Variants in KALRN observed in about 807,000 individuals in gnomAD.
KALRN encodes kalirin.
KALRN carries 70 observed loss-of-function variants against 353.7 expected under a neutral mutation model. That is an observed-to-expected ratio of 0.20 (90% CI 0.16 to 0.24). The LOEUF is 0.24. Ranked by LOEUF, KALRN falls within the 10% of genes least tolerant of loss-of-function variation. The probability of loss-of-function intolerance (pLI) is 1.00; values close to 1 mark genes in which losing one functional copy is unlikely to be tolerated. For synonymous variants in KALRN, 1,391 were observed against 1,434.8 expected (o/e 0.97, Z 0.69); for missense variants, 2,791 against 3,756.7 (o/e 0.74, Z 6.72).
At chr3:124,405,361 T>C (rs1168800053) in intron 13 of KALRN, among the ~76,000 whole-genome samples, 2 of 152,190 alleles carry the variant, frequency 1.3e-5, no homozygotes, top group Non-Finnish European at 2.9e-5. Flanking sequence ...AAATGCTATA[T>C]GCTCCTCCTT....
chr3:124,280,954 A>C lies in KALRN; in HGVS notation c.969+11699A>C, dbSNP rs2149038951. Among the ~76,000 whole-genome samples the C allele has an allele frequency of 2.0e-5, 3 of 152,298 alleles. No individual in the cohort carries two copies. The South Asian group carries it at 6.2e-4, about 32-fold the overall frequency. On this transcript the variant is annotated intron_variant, in intron 5 of 59. Coordinates refer to ENST00000682506, the MANE Select transcript of KALRN (RefSeq NM_001388419.1). Reference sequence around the variant, plus strand: ...AGGAGAGCAAAAGCCTCATACTCTTATCTTGTAAAGAGTCGGAAACCTGTG... The same window carrying C: ...AGGAGAGCAAAAGCCTCATACTCTTCTCTTGTAAAGAGTCGGAAACCTGTG...
intron 34 of KALRN, among the ~76,000 whole-genome samples, chr3:124,620,401 G>A (rs1015335088): frequency 1.3e-5 from 2 of 152,140 alleles, no homozygotes; most frequent in African/African-American, 4.8e-5. Context: ...ACCACTCCCG[G>A]CCTTGGTGGT....
intron 1 of KALRN, among the ~76,000 whole-genome samples, chr3:124,176,578 A>G (rs1348830609): frequency 6.6e-6 from 1 of 152,156 alleles, no homozygotes; most frequent in Admixed American, 6.5e-5. Flanking sequence ...TGGCTGACCC[A>G]AACTGTGGAG....
intron 1 of KALRN, among the ~76,000 whole-genome samples, chr3:124,191,932 T>G (rs1300409910): frequency 6.6e-6 from 1 of 152,216 alleles, no homozygotes; most frequent in African/African-American, 2.4e-5. Flanking sequence ...GAACAATTTG[T>G]GGCCATTTTT....
intron 34 of KALRN, among the ~76,000 whole-genome samples, chr3:124,632,030 C>T (rs2080841938): frequency 6.6e-6 from 1 of 152,258 alleles, no homozygotes; most frequent in Non-Finnish European, 1.5e-5. Flanking sequence ...ACCCCCTTTT[C>T]CAACCCCAGC....
intron 34 of KALRN, among the ~76,000 whole-genome samples, chr3:124,563,989 G>A (rs2072396451): frequency 1.4e-5 from 2 of 140,940 alleles, no homozygotes; most frequent in East Asian, 4.1e-4. Flanking sequence ...CTGGGCAACA[G>A]AGCGAGACTC....
chr3:124,213,327 A>C (rs1579464022), intron 1 of KALRN, among the ~76,000 whole-genome samples: 1 of 151,998 alleles, frequency 6.6e-6, no homozygotes, highest in East Asian at 1.9e-4. Context: ...CCATTGTTTT[A>C]GATTATTTCC....
chr3:124,577,033 G>A (rs1045738984), intron 34 of KALRN, among the ~76,000 whole-genome samples: 2 of 152,092 alleles, frequency 1.3e-5, no homozygotes, highest in African/African-American at 2.4e-5. Context: ...CAGCTCAGGC[G>A]GCTGCTCAGT....
At chr3:124,457,451 T>C (rs1369299266) in intron 23 of KALRN, among the ~76,000 whole-genome samples, 1 of 152,190 alleles carries the variant, frequency 6.6e-6, no homozygotes, top group Non-Finnish European at 1.5e-5. Context: ...AAACTTCCCA[T>C]AGCTTTCCTG....
At chr3:124,382,321 A>G (rs2087514174) in intron 10 of KALRN, among the ~76,000 whole-genome samples, 1 of 152,126 alleles carries the variant, frequency 6.6e-6, no homozygotes, top group Non-Finnish European at 1.5e-5. Flanking sequence ...TTTAACCCCT[A>G]ATTATCTATT....
chr3:124,279,352 C>G (rs2149024852), intron 5 of KALRN, among the ~76,000 whole-genome samples: 1 of 152,288 alleles, frequency 6.6e-6, no homozygotes, highest in Non-Finnish European at 1.5e-5. Flanking sequence ...TGGCTGGAGC[C>G]TTGAAGACAT....
intron 1 of KALRN, among the ~76,000 whole-genome samples, chr3:124,054,093 T>C (rs1008021438): frequency 2.6e-5 from 4 of 152,218 alleles, no homozygotes; most frequent in African/African-American, 9.6e-5. Flanking sequence ...CTTTCCAATA[T>C]GCTTTGTGAC....
At chr3:124,590,086 A>C (rs981434092) in intron 34 of KALRN, among the ~76,000 whole-genome samples, 2 of 152,168 alleles carry the variant, frequency 1.3e-5, no homozygotes, top group Non-Finnish European at 2.9e-5. Flanking sequence ...CCTGGGAAGA[A>C]GTAGCACACA....
intron 33 of KALRN, among the ~76,000 whole-genome samples, chr3:124,496,922 T>A (rs1477420252): frequency 6.6e-6 from 1 of 152,148 alleles, no homozygotes; most frequent in East Asian, 1.9e-4. Flanking sequence ...CCAAAGGGAC[T>A]CTAGTGGAAA....
intron 28 of KALRN, among the ~76,000 whole-genome samples, chr3:124,484,339 T>C (rs1178174215): frequency 1.3e-5 from 2 of 152,176 alleles, no homozygotes; most frequent in Non-Finnish European, 2.9e-5. Context: ...TGCCACATCA[T>C]TTCCCTTCAG....
intron 41 of KALRN, among the ~76,000 whole-genome samples, 167 bp from the exon 42 acceptor site, chr3:124,658,264 A>G (rs1360387487): frequency 1.3e-5 from 2 of 152,094 alleles, no homozygotes; most frequent in East Asian, 1.9e-4. Flanking sequence ...GGCGATTTGG[A>G]AAGTGGCTCT....
chr3:124,470,196 T>A (rs1054470347), intron 25 of KALRN, among the ~76,000 whole-genome samples: 5 of 152,218 alleles, frequency 3.3e-5, no homozygotes. Flanking sequence ...TTCACACAAA[T>A]GACTTGCTTT....
chr3:124,687,813 T>C (rs1313881413), intron 51 of KALRN, among the ~76,000 whole-genome samples: 1 of 152,008 alleles, frequency 6.6e-6, no homozygotes, highest in Non-Finnish European at 1.5e-5. Flanking sequence ...TTTAAAAATC[T>C]CACATCTTTG....
At chr3:124,563,251 G>T (rs888047020) in intron 34 of KALRN, among the ~76,000 whole-genome samples, 162 bp downstream of exon 34, 2 of 152,204 alleles carry the variant, frequency 1.3e-5, no homozygotes, top group African/African-American at 2.4e-5. Flanking sequence ...TTGGGAACTT[G>T]GAGAGGAAGA....
Sources: allele counts gnomAD v4.1 joint callset (sites outside exome capture counted in the v4.1 genomes callset), GRCh38; gene constraint gnomAD v4.1.1; transcripts MANE v1.5; gene names NCBI Gene and HGNC (gene_info 2026-07-23, HGNC 2026-07-21).